The following PEBP4 variants were observed in gnomAD, a reference collection of about 807,000 sequenced individuals.
The protein encoded by PEBP4 is phosphatidylethanolamine binding protein 4.
In PEBP4, 22 loss-of-function variants were observed where a neutral mutation model predicts 23.9. The observed-to-expected ratio is 0.92, with a 90% CI of 0.66 to 1.31. The LOEUF (loss-of-function observed/expected upper bound fraction) is 1.31. Ranked by LOEUF, PEBP4 falls within the 40% of genes most tolerant of loss-of-function variation. PEBP4 has a pLI of 0.00. For synonymous variants in PEBP4, 112 were observed against 99.3 expected (o/e 1.13, Z -0.76); for missense variants, 324 against 281.7 (o/e 1.15, Z -1.07).
chr8:22,816,929 C>T (rs1310060286), intron 4 of PEBP4, among the ~76,000 whole-genome samples: 1 of 152,150 alleles, frequency 6.6e-6, no homozygotes, highest in Non-Finnish European at 1.5e-5. Flanking sequence ...GTAAAAGCTC[C>T]AAAAGCCCTT....
chr8:22,741,453 A>T (rs559618317), intron 4 of PEBP4, among the ~76,000 whole-genome samples: 147 of 152,296 alleles, frequency 9.7e-4, no homozygotes, highest in African/African-American at 3.4e-3. Flanking sequence ...GGCAAATGCC[A>T]ATCCGGGAAG....
chr8:22,728,009 C>T (rs1044230247), intron 4 of PEBP4, among the ~76,000 whole-genome samples: 25 of 152,088 alleles, frequency 1.6e-4, no homozygotes, highest in African/African-American at 6.0e-4. Context: ...GGCTCAGGGG[C>T]CCCAGGCCAT....
chr8:22,750,844 C>T (rs779095219), intron 4 of PEBP4, among the ~76,000 whole-genome samples: 21 of 151,766 alleles, frequency 1.4e-4, no homozygotes, highest in Non-Finnish European at 2.5e-4. Context: ...GTTATTGTGC[C>T]GAGGGGAGAA....
chr8:22,902,292 G>C (rs890256102), intron 3 of PEBP4, among the ~76,000 whole-genome samples: 3 of 152,080 alleles, frequency 2.0e-5, no homozygotes, highest in African/African-American at 7.2e-5. Flanking sequence ...TCACCCCATC[G>C]CACTCCAGCC....
intron 4 of PEBP4, among the ~76,000 whole-genome samples, chr8:22,731,584 TG>T (rs1264399216): frequency 6.7e-6 from 1 of 148,272 alleles, no homozygotes; most frequent in East Asian, 2.0e-4. Context: ...TTTTTGACTT[TG>T]TTGGGGGTGG....
At chr8:22,812,153 G>T (rs1806644107) in intron 4 of PEBP4, among the ~76,000 whole-genome samples, 2 of 152,176 alleles carry the variant, frequency 1.3e-5, no homozygotes, top group Admixed American at 1.3e-4. Flanking sequence ...CAGAGGCAAA[G>T]TTGCAGTCTC....
rs377402580 is a variant in PEBP4 at position 22,918,724 on chromosome 8, G to C, written c.258+1460C>G. On this transcript the variant is annotated intron_variant, in intron 3 of 6. Coordinates refer to ENST00000256404, the MANE Select transcript of PEBP4 (RefSeq NM_144962.3). Reference sequence around the variant, plus strand: ...AGACAAGTGAATGGATGGTGAAGCCGAGAGTCCTGTCCCGCAGAGTAGCAT... The same window carrying C: ...AGACAAGTGAATGGATGGTGAAGCCCAGAGTCCTGTCCCGCAGAGTAGCAT... Among the ~76,000 whole-genome samples, 713 of 152,292 alleles carry C rather than the reference G, an allele frequency of 4.7e-3. 5 individuals carry two copies. The highest frequency in any genetic ancestry group is 0.017 in the Middle Eastern group (5 of 294).
intron 4 of PEBP4, among the ~76,000 whole-genome samples, chr8:22,786,742 A>G (rs900751460): frequency 6.6e-6 from 1 of 152,124 alleles, no homozygotes; most frequent in Non-Finnish European, 1.5e-5. Flanking sequence ...AGCACACTTC[A>G]TACAAAGCTC....
At chr8:22,828,228 G>A (rs1323119748) in intron 3 of PEBP4, among the ~76,000 whole-genome samples, 3 of 152,164 alleles carry the variant, frequency 2.0e-5, no homozygotes, top group African/African-American at 4.8e-5. Context: ...GCTCTGATCA[G>A]CTGTCAGGGC....
chr8:22,877,561 C>A (rs1808147514), intron 3 of PEBP4, among the ~76,000 whole-genome samples: 1 of 152,154 alleles, frequency 6.6e-6, no homozygotes, highest in African/African-American at 2.4e-5. Flanking sequence ...GTGAGGCCAG[C>A]AGCTTGTGAA....
intron 4 of PEBP4, among the ~76,000 whole-genome samples, chr8:22,740,680 T>C (rs1050897760): frequency 7.2e-5 from 11 of 152,144 alleles, no homozygotes; most frequent in African/African-American, 2.2e-4. Context: ...CTGTTCCTTC[T>C]GGAGACCCCC....
intron 4 of PEBP4, among the ~76,000 whole-genome samples, chr8:22,727,801 G>T (rs1804648022): frequency 6.6e-6 from 1 of 152,168 alleles, no homozygotes; most frequent in South Asian, 2.1e-4. Context: ...AGTTAACTCA[G>T]CCCACAACCC....
intron 3 of PEBP4, among the ~76,000 whole-genome samples, chr8:22,903,197 T>C (rs1279616894): frequency 6.6e-6 from 1 of 152,156 alleles, no homozygotes; most frequent in Admixed American, 6.5e-5. Context: ...CCAGCCATGA[T>C]ATTGTGAGTA....
At chr8:22,924,905 A>G in intron 2 of PEBP4, 1 of 985,372 alleles carries the variant, frequency 1.0e-6, no homozygotes, top group Non-Finnish European at 1.2e-6. Context: ...TTGTCACAGT[A>G]CATAAAATTC....
At chr8:22,815,393 T>G (rs1441721143) in intron 4 of PEBP4, among the ~76,000 whole-genome samples, 1 of 152,184 alleles carries the variant, frequency 6.6e-6, no homozygotes, top group Admixed American at 6.5e-5. Flanking sequence ...CCAATTCGAA[T>G]GCACTCAACT....
intron 5 of PEBP4, among the ~76,000 whole-genome samples, chr8:22,726,544 G>A (rs1016565784): frequency 3.3e-5 from 5 of 152,256 alleles, no homozygotes; most frequent in South Asian, 2.1e-4. Context: ...GAATTGAGGC[G>A]TGAGGAGGAG....
At chr8:22,749,823 T>TTTTTTTTTTTTA (rs1805212361) in intron 4 of PEBP4, among the ~76,000 whole-genome samples, 1 of 146,290 alleles carries the variant, frequency 6.8e-6, no homozygotes, top group African/African-American at 2.5e-5. Flanking sequence ...TTTTTTTTTT[T>TTTTTTTTTTTTA]GAGATGGAGT....
intron 2 of PEBP4, among the ~76,000 whole-genome samples, chr8:22,923,068 A>G (rs1019267163): frequency 3.9e-5 from 6 of 152,214 alleles, no homozygotes; most frequent in African/African-American, 1.4e-4. Context: ...TCCTATCTCC[A>G]GATGAGTAAC....
chr8:22,854,946 G>GTA (rs1268530609), intron 3 of PEBP4, among the ~76,000 whole-genome samples: 1 of 150,460 alleles, frequency 6.6e-6, no homozygotes. Context: ...GTGTGTGTGT[G>GTA]TGTGTGTGTG....
Sources: gnomAD v4.1 joint callset for allele counts (sites outside exome capture counted in the v4.1 genomes callset) on GRCh38, gnomAD v4.1.1 for gene constraint, MANE v1.5 for transcripts, NCBI Gene and HGNC (gene_info 2026-07-23, HGNC 2026-07-21) for gene names.